Variants in RANBP17 observed in about 807,000 individuals in gnomAD.
The protein encoded by RANBP17 is ran-binding protein 17.
RANBP17 carries 158 observed loss-of-function variants against 141.2 expected under a neutral mutation model. That is an observed-to-expected ratio of 1.12 (90% confidence interval 0.98 to 1.28). The LOEUF (loss-of-function observed/expected upper bound fraction) is 1.28, where lower values mean the gene tolerates loss of function less well. RANBP17 is among the 50% of genes most tolerant of loss of function. RANBP17 has a pLI of 0.00. For missense variants in RANBP17, 1,438 were observed against 1,290.7 expected (o/e 1.11, Z -1.75); for synonymous variants, 430 against 450.0 (o/e 0.96, Z 0.56).
At position 170,933,052 on chromosome 5, in the gene RANBP17, T is replaced by C. The variant is rs1773535918; in HGVS notation, c.1468+8502T>C. On this transcript the variant is annotated intron_variant, in intron 12 of 27. Coordinates refer to ENST00000523189, the MANE Select transcript of RANBP17 (RefSeq NM_022897.5). The stretch of plus-strand genomic sequence containing the variant: ...AATCCATCTGGTCCTGGACTTTTTT[T>C]GGTTGGTAGGCTATTAATTATTGCC... Among the ~76,000 whole-genome samples the C allele has an allele frequency of 2.0e-5, 3 of 152,222 alleles. No homozygotes were observed. In the South Asian group the frequency reaches 6.2e-4, roughly 32 times the overall value.
chr5:171,124,758 A>C (rs1756303261), intron 14 of RANBP17, among the ~76,000 whole-genome samples: 1 of 152,214 alleles, frequency 6.6e-6, no homozygotes, highest in Non-Finnish European at 1.5e-5. Context: ...ACAACAAAAA[A>C]AAACCACCAA....
At chr5:171,292,250 C>T (rs1768537729) in intron 25 of RANBP17, among the ~76,000 whole-genome samples, 1 of 152,216 alleles carries the variant, frequency 6.6e-6, no homozygotes, top group Admixed American at 6.5e-5. Flanking sequence ...TGGCAGATTT[C>T]ATTTGCAACC....
intron 22 of RANBP17, among the ~76,000 whole-genome samples, chr5:171,236,667 T>C (rs1764563318): frequency 6.6e-6 from 1 of 152,176 alleles, no homozygotes; most frequent in Non-Finnish European, 1.5e-5. Flanking sequence ...GTACTGTGTA[T>C]TGTCATAGTT....
At chr5:170,876,745 A>C (rs1768211771) in intron 1 of RANBP17, among the ~76,000 whole-genome samples, 1 of 152,116 alleles carries the variant, frequency 6.6e-6, no homozygotes, top group Non-Finnish European at 1.5e-5. Flanking sequence ...TTTTGGTGTT[A>C]CTTGTGTATT....
At chr5:170,930,213 T>C (rs1216052172) in intron 12 of RANBP17, among the ~76,000 whole-genome samples, 1 of 152,002 alleles carries the variant, frequency 6.6e-6, no homozygotes, top group Non-Finnish European at 1.5e-5. Context: ...TTATTTGATA[T>C]TCCTTTTCTA....
At chr5:171,069,891 TTGCTGTAG>T (rs1281870672) in intron 14 of RANBP17, among the ~76,000 whole-genome samples, 1 of 152,148 alleles carries the variant, frequency 6.6e-6, no homozygotes, top group Non-Finnish European at 1.5e-5. Flanking sequence ...ATAGGTAGGT[TTGCTGTAG>T]TGCTGTTGAA....
At chr5:171,257,020 C>T (rs1475553634) in intron 24 of RANBP17, among the ~76,000 whole-genome samples, 1 of 152,164 alleles carries the variant, frequency 6.6e-6, no homozygotes, top group African/African-American at 2.4e-5. Context: ...ACCAGTCCTC[C>T]TGAAACTGTT....
chr5:171,154,471 G>T (rs1758716499), intron 14 of RANBP17, among the ~76,000 whole-genome samples: 1 of 152,022 alleles, frequency 6.6e-6, no homozygotes, highest in African/African-American at 2.4e-5. Context: ...GCAGAGACGG[G>T]GTTTCCCCAT....
intron 18 of RANBP17, among the ~76,000 whole-genome samples, chr5:171,186,307 G>T (rs1761231538): frequency 1.3e-5 from 2 of 152,080 alleles, no homozygotes. Context: ...TAGATCTTCA[G>T]TATAACTCAC....
chr5:171,177,116 C>T (rs914367246), intron 16 of RANBP17, among the ~76,000 whole-genome samples: 3 of 152,152 alleles, frequency 2.0e-5, no homozygotes, highest in African/African-American at 7.2e-5. Context: ...CTCAGGCATA[C>T]TTCTATTAGC....
chr5:171,115,258 A>C lies in RANBP17; in HGVS notation c.1711-54872A>C, dbSNP rs567595339. The stretch of plus-strand genomic sequence containing the variant: ...CATTGATTCTACGTGAATAAAAGGT[A>C]GCCTATTTGATATGAGTATAGTATA... On this transcript the variant is annotated intron_variant, in intron 14 of 27. Coordinates refer to ENST00000523189, the MANE Select transcript of RANBP17 (RefSeq NM_022897.5). Among the ~76,000 whole-genome samples the C allele has an allele frequency of 7.2e-5, 11 of 152,336 alleles. No homozygotes were observed. The East Asian group carries it at 1.7e-3, about 24-fold the overall frequency.
At position 170,945,343 on chromosome 5, in the gene RANBP17, TG is replaced by T. The variant is rs570596509; in HGVS notation, c.1469-8253del. 3.1e-3 allele frequency among the ~76,000 whole-genome samples: 465 copies of T among 152,316 alleles called. 2 individuals carry two copies. Among genetic ancestry groups the T allele is most frequent in the African/African-American group, 0.011 (446 of 41,582 alleles). On this transcript the variant is annotated intron_variant, in intron 12 of 27. Coordinates refer to ENST00000523189, the MANE Select transcript of RANBP17 (RefSeq NM_022897.5). ...GGATGTTACATATTGGTATGTCTTA[TG>T]TTTTTTTGTAGGTATGATACAGAAC...
intron 16 of RANBP17, among the ~76,000 whole-genome samples, chr5:171,180,238 G>A (rs1044964167): frequency 1.3e-5 from 2 of 152,130 alleles, no homozygotes; most frequent in Non-Finnish European, 2.9e-5. Context: ...ATTTCAAGAA[G>A]CAAATGATCT....
At chr5:171,261,103 C>A (rs1335941022) in intron 24 of RANBP17, among the ~76,000 whole-genome samples, 607 of 53,998 alleles carry the variant, frequency 0.011, no homozygotes, top group Non-Finnish European at 0.012. Flanking sequence ...AAAAAAAAAC[C>A]AAAAGAAAAA....
intron 22 of RANBP17, among the ~76,000 whole-genome samples, chr5:171,230,467 A>G (rs1764143150): frequency 6.6e-6 from 1 of 152,158 alleles, no homozygotes; most frequent in African/African-American, 2.4e-5. Flanking sequence ...AAAGTAAAGA[A>G]TTACAACTTT....
chr5:171,037,125 T>G (rs1781933181), intron 14 of RANBP17, among the ~76,000 whole-genome samples: 1 of 152,112 alleles, frequency 6.6e-6, no homozygotes, highest in Non-Finnish European at 1.5e-5. Flanking sequence ...TTTTTTGACT[T>G]TTTAATAATA....
intron 14 of RANBP17, among the ~76,000 whole-genome samples, chr5:171,027,415 T>C (rs1318961764): frequency 1.3e-5 from 2 of 152,178 alleles, no homozygotes; most frequent in Non-Finnish European, 2.9e-5. Flanking sequence ...GAATTACCTA[T>C]GATAGTTTGG....
chr5:170,945,320 A>T (rs1457739624), intron 12 of RANBP17, among the ~76,000 whole-genome samples: 1 of 152,210 alleles, frequency 6.6e-6, no homozygotes, highest in Non-Finnish European at 1.5e-5. Context: ...AAGAACATGG[A>T]TGTTACATAT....
chr5:171,094,288 T>A (rs1158287207), intron 14 of RANBP17, among the ~76,000 whole-genome samples: 1 of 152,162 alleles, frequency 6.6e-6, no homozygotes, highest in Non-Finnish European at 1.5e-5. Context: ...AGAGGTTTAA[T>A]GCCTTAGGCA....
Sources: allele counts gnomAD v4.1 joint callset (sites outside exome capture counted in the v4.1 genomes callset), GRCh38; gene constraint gnomAD v4.1.1; transcripts MANE v1.5; gene names NCBI Gene and HGNC (gene_info 2026-07-23, HGNC 2026-07-21).